Variants in MEAF6 observed in about 807,000 individuals in gnomAD.
The protein encoded by MEAF6 is MYST/Esa1 associated factor 6, also known as chromatin modification-related protein MEAF6.
MEAF6 carries 15 observed loss-of-function variants against 28.9 expected under a neutral mutation model. The ratio of observed to expected loss-of-function variants is 0.52; its 90% CI spans 0.35 to 0.80. The LOEUF is 0.80. MEAF6 is among the 30% of genes least tolerant of loss of function. The pLI, the probability that MEAF6 is intolerant of heterozygous loss-of-function variation, is 0.01. For missense variants in MEAF6, 178 were observed against 237.5 expected, an observed-to-expected ratio of 0.75 and a Z score of 1.65; for synonymous variants, 97 against 88.7, an observed-to-expected ratio of 1.09 and a Z score of -0.53.
chr1:37,494,237 C>T, intron 6 of MEAF6, 130 bp from the exon 7 acceptor site: 2 of 795,182 alleles, frequency 2.5e-6, no homozygotes, highest in Non-Finnish European at 2.1e-6. Context: ...TATTTCAGGC[C>T]AGGCACAGTG....
intron 6 of MEAF6, 70 bp from the exon 7 acceptor site, chr1:37,494,177 A>G: frequency 7.4e-7 from 1 of 1,344,528 alleles, no homozygotes; most frequent in Non-Finnish European, 1.1e-6. Flanking sequence ...AAGGAAAAAA[A>G]AAATCTCATA....
chr1:37,493,731 A>G lies in MEAF6; in HGVS notation c.*368T>C, dbSNP rs1409975847. On this transcript the variant is annotated 3_prime_UTR_variant, in exon 7 of 7. Coordinates refer to ENST00000296214, the MANE Select transcript of MEAF6 (RefSeq NM_001270875.3). ...GAAATGTGACTTGTGTTCTACTTTC[A>G]GCATAAAACAAAACCAGAGAACATT... The G allele has an allele frequency of 2.0e-6, 3 of 1,473,554 alleles. No homozygotes were observed. Among genetic ancestry groups the G allele is most frequent in the East Asian group, 4.9e-5 (2 of 40,552 alleles). The allele number at this position is 1,473,554 out of a possible 1,614,324, so 91.3% of individuals were successfully genotyped here.
chr1:37,495,333 AAAATAAATAAATAAAT>A (rs199695721), intron 6 of MEAF6, among the ~76,000 whole-genome samples: 74 of 138,524 alleles, frequency 5.3e-4, no homozygotes, highest in African/African-American at 1.7e-3. Flanking sequence ...TCCGTCTCAA[AAAATAAATAAATAAAT>A]AAATAAATAA....
intron 1 of MEAF6, 94 bp downstream of exon 1, chr1:37,514,563 G>A (rs1012083171): frequency 1.8e-4 from 167 of 947,626 alleles, no homozygotes; most frequent in Middle Eastern, 7.5e-4. Flanking sequence ...CGCGCCCCCG[G>A]AGTAACAAAC....
intron 1 of MEAF6, 114 bp downstream of exon 1, chr1:37,514,543 C>A (rs1016518774): frequency 1.5e-5 from 11 of 727,828 alleles, no homozygotes; most frequent in Non-Finnish European, 2.1e-5. Context: ...GAGCACCCGG[C>A]CCGCCGCGCC....
rs1184387044 is a variant in MEAF6, at chr1:37,492,929, G to A, written c.*1170C>T. On this transcript the variant is annotated 3_prime_UTR_variant, in exon 7 of 7. Coordinates refer to ENST00000296214, the MANE Select transcript of MEAF6 (RefSeq NM_001270875.3). ...GGCTGTACCCCAGTCTCTAGGGATG[G>A]GATCCAGGCATGAGTATTTTAAAGC... 2 of 152,146 alleles carry A rather than the reference G, an allele frequency of 1.3e-5. No homozygotes were observed. The highest frequency in any genetic ancestry group is 2.4e-5 in the African/African-American group (1 of 41,420). 9.4% of individuals were successfully genotyped at this position (152,146 alleles called of 1,614,324 possible).
chr1:37,512,445 A>G (rs1642698862), intron 2 of MEAF6, among the ~76,000 whole-genome samples: 1 of 152,218 alleles, frequency 6.6e-6, no homozygotes, highest in South Asian at 2.1e-4. Context: ...CACATTAACA[A>G]TTTGTGAATA....
intron 5 of MEAF6, 82 bp from the exon 6 acceptor site, chr1:37,496,000 G>T: frequency 1.8e-6 from 2 of 1,136,660 alleles, no homozygotes; most frequent in Non-Finnish European, 2.7e-6. Context: ...TAGGGCATAA[G>T]CTATAACAAA....
At chr1:37,500,335 T>C (rs186822056) in intron 5 of MEAF6, among the ~76,000 whole-genome samples, 2 of 152,230 alleles carry the variant, frequency 1.3e-5, no homozygotes, top group Non-Finnish European at 2.9e-5. Flanking sequence ...GGAGTAAATT[T>C]AATAAAAGCA....
rs1248704089 is a variant in MEAF6 at position 37,509,297 on chromosome 1, C to G, written c.321G>C (p.Gln107His). The change falls in exon 4 of 7, where the codon CAG becomes CAC. Residue 107 changes from glutamine to histidine, a missense_variant. Gln to His is a conservative substitution (Grantham distance 24, BLOSUM62 0). Transcript: ENST00000296214. ...AAAVSALAGV[Q>H]DQLIEKREPG... Reference sequence around the variant, plus strand: ...ACTTACTCTTTTCAATGAGCTGGTCCTGAACTCCTGCCAATGCACTTACTG... The same window carrying G: ...ACTTACTCTTTTCAATGAGCTGGTCGTGAACTCCTGCCAATGCACTTACTG... 1 of 1,613,922 alleles carries G rather than the reference C, an allele frequency of 6.2e-7. No homozygotes were observed. Among genetic ancestry groups the G allele is most frequent in the African/African-American group, 1.3e-5 (1 of 74,890 alleles).
chr1:37,495,095 G>A (rs921512438), intron 6 of MEAF6, among the ~76,000 whole-genome samples: 4 of 152,018 alleles, frequency 2.6e-5, no homozygotes, highest in African/African-American at 9.7e-5. Context: ...AGCACTTTGG[G>A]AGGCTGAGGC....
At position 37,491,868 on chromosome 1, in the gene MEAF6, G is replaced by A. The variant is rs1641942103; in HGVS notation, c.*2231C>T. ...GAAGGAAACTAGGCATCCCACTGCA[G>A]TTTCATAAATACGTAAATAATCTTT... On this transcript the variant is annotated 3_prime_UTR_variant, in exon 7 of 7. Transcript: ENST00000296214. Among the ~76,000 whole-genome samples, 1 of 149,480 alleles carries A rather than the reference G, an allele frequency of 6.7e-6. No individual in the cohort carries two copies. Among genetic ancestry groups the A allele is most frequent in the South Asian group, 2.1e-4 (1 of 4,718 alleles).
At position 37,492,457 on chromosome 1, in the gene MEAF6, T is replaced by C. The variant is rs1641967448; in HGVS notation, c.*1642A>G. The C allele has an allele frequency of 6.6e-6, 1 of 151,940 alleles. No homozygotes were observed. Among genetic ancestry groups the C allele is most frequent in the Admixed American group, 6.6e-5 (1 of 15,242 alleles). 9.4% of individuals were successfully genotyped at this position (151,940 alleles called of 1,614,324 possible). A position where few individuals can be genotyped will look rare whatever the true frequency, so the allele number is the denominator to read the frequency against. ...AAATACAGAATGCTTCTAGGATTTTTTTTTTTAAGGAATAATCTAAATATA... is the reference window on the plus strand; with the variant it reads ...AAATACAGAATGCTTCTAGGATTTTCTTTTTTAAGGAATAATCTAAATATA... On this transcript the variant is annotated 3_prime_UTR_variant, in exon 7 of 7. Transcript: ENST00000296214.
intron 5 of MEAF6, among the ~76,000 whole-genome samples, chr1:37,496,918 A>G (rs1441770961): frequency 6.6e-6 from 1 of 152,246 alleles, no homozygotes; most frequent in Non-Finnish European, 1.5e-5. Context: ...CCTTCCTTCA[A>G]TGGATTTCAT....
intron 6 of MEAF6, among the ~76,000 whole-genome samples, chr1:37,495,372 A>ATAAG: frequency 6.7e-6 from 1 of 150,140 alleles, no homozygotes; most frequent in Non-Finnish European, 1.5e-5. Flanking sequence ...AAATAAATAA[A>ATAAG]TAAATAAAGT....
In MEAF6 at chr1:37,492,560, C is replaced by CAAAAAA. The variant is rs35527783; in HGVS notation, c.*1533_*1538dup. 1.4e-5 allele frequency: 1 copy of CAAAAAA among 73,080 alleles called. No individual in the cohort carries two copies. Among genetic ancestry groups the CAAAAAA allele is most frequent in the Non-Finnish European group, 2.5e-5 (1 of 40,200 alleles). 4.5% of individuals were successfully genotyped at this position (73,080 alleles called of 1,614,324 possible). A position where few individuals can be genotyped will look rare whatever the true frequency, so the allele number is the denominator to read the frequency against. ...AGTCAAAGATCTAAATAGCCAGAGTCAAAAAAAAAAAAAAAAAAAAACCCA... is the reference window on the plus strand; with the variant it reads ...AGTCAAAGATCTAAATAGCCAGAGTCAAAAAAAAAAAAAAAAAAAAAAAAAAACCCA... On this transcript the variant is annotated 3_prime_UTR_variant, in exon 7 of 7. Coordinates refer to ENST00000296214, the MANE Select transcript of MEAF6 (RefSeq NM_001270875.3).
chr1:37,499,751 G>C (rs527522808), intron 5 of MEAF6, among the ~76,000 whole-genome samples: 11 of 152,328 alleles, frequency 7.2e-5, no homozygotes, highest in African/African-American at 2.6e-4. Context: ...TTTTCTGGAA[G>C]GAGATAGCTC....
At position 37,490,562 on chromosome 1, in the gene MEAF6, C is replaced by A. The variant is rs960245732; in HGVS notation, c.*3537G>T. On this transcript the variant is annotated 3_prime_UTR_variant, in exon 7 of 7. Coordinates refer to ENST00000296214, the MANE Select transcript of MEAF6 (RefSeq NM_001270875.3). ...GTCAATTTTCTGTTGGAGACAGCGT[C>A]TTGCTACGTTACTCAGGCTGAAGTG... 6.6e-6 allele frequency among the ~76,000 whole-genome samples: 1 copy of A among 152,158 alleles called. No individual in the cohort carries two copies. Among genetic ancestry groups the A allele is most frequent in the African/African-American group, 2.4e-5 (1 of 41,434 alleles).
chr1:37,509,301 A>ACTCCT lies in MEAF6; in HGVS notation c.312_316dup (p.Val106GlufsTer47). ...ACTCTTTTCAATGAGCTGGTCCTGA[A>ACTCCT]CTCCTGCCAATGCACTTACTGCCTA... On this transcript the variant is annotated frameshift_variant, in exon 4 of 7. Coordinates refer to ENST00000296214, the MANE Select transcript of MEAF6 (RefSeq NM_001270875.3). LOFTEE classifies it high-confidence loss of function. 1 of 1,614,050 alleles carries ACTCCT rather than the reference A, an allele frequency of 6.2e-7. No homozygotes were observed. The highest frequency in any genetic ancestry group is 8.5e-7 in the Non-Finnish European group (1 of 1,179,982).
Sources: gnomAD v4.1 joint callset for allele counts (sites outside exome capture counted in the v4.1 genomes callset) on GRCh38, gnomAD v4.1.1 for gene constraint, MANE v1.5 for transcripts, NCBI Gene and HGNC (gene_info 2026-07-23, HGNC 2026-07-21) for gene names.